The following TUBGCP3 variants were observed in gnomAD, a reference collection of about 807,000 sequenced individuals.
TUBGCP3 encodes the protein tubulin gamma complex component 3.
In TUBGCP3, 50 loss-of-function variants were observed where a neutral mutation model predicts 123.1. The ratio of observed to expected loss-of-function variants is 0.41; its 90% CI spans 0.32 to 0.51. The LOEUF (loss-of-function observed/expected upper bound fraction) is 0.51. Among genes scored for constraint, TUBGCP3 ranks in the 20% least tolerant of loss-of-function variants. The probability of loss-of-function intolerance (pLI) is 0.36; values close to 1 mark genes in which losing one functional copy is unlikely to be tolerated. For missense variants in TUBGCP3, 882 were observed against 1,127.0 expected, an observed-to-expected ratio of 0.78 and a Z score of 3.11; for synonymous variants, 405 against 413.9, an observed-to-expected ratio of 0.98 and a Z score of 0.26.
intron 8 of TUBGCP3, among the ~76,000 whole-genome samples, chr13:112,549,770 A>T (rs2139188690): frequency 6.6e-6 from 1 of 152,080 alleles, no homozygotes; most frequent in East Asian, 1.9e-4. Flanking sequence ...CGGGCGGATC[A>T]CGAGGCCAGG....
chr13:112,573,768 A>G (rs1881597116), intron 1 of TUBGCP3, among the ~76,000 whole-genome samples: 2 of 152,234 alleles, frequency 1.3e-5, no homozygotes, highest in Admixed American at 1.3e-4. Flanking sequence ...CTATGACTCT[A>G]GAAGTCAAGT....
At chr13:112,565,265 T>C in intron 2 of TUBGCP3, 87 bp from the exon 3 acceptor site, 1 of 1,145,260 alleles carries the variant, frequency 8.7e-7, no homozygotes, top group Middle Eastern at 2.4e-4. Context: ...ACACCATAAC[T>C]CGCAAGTGAT....
At chr13:112,578,558 CAAAAA>C (rs71131496) in intron 1 of TUBGCP3, among the ~76,000 whole-genome samples, 805 of 24,764 alleles carry the variant, frequency 0.033, 1 homozygote, top group African/African-American at 0.078. Flanking sequence ...GACTCCGTCT[CAAAAA>C]AAAAAAAAAA....
At chr13:112,526,631 C>G (rs1400408125) in intron 13 of TUBGCP3, among the ~76,000 whole-genome samples, 2 of 151,100 alleles carry the variant, frequency 1.3e-5, no homozygotes, top group East Asian at 3.9e-4. Context: ...CTACCACCAG[C>G]ACACCATCAT....
rs1410453871 is a variant in TUBGCP3 at position 112,508,004 on chromosome 13, T to C, written c.2087-3290A>G. On this transcript the variant is annotated intron_variant, in intron 17 of 21. Coordinates refer to ENST00000261965, the MANE Select transcript of TUBGCP3 (RefSeq NM_006322.6). The surrounding 1 kb of genome is among the most constrained non-coding windows in gnomAD (Gnocchi z 4.2). Reference sequence around the variant, plus strand: ...CAAACCCATCTACCAAACAACACTGTCATGCAATGCTCAGTGTCAGCCTAA... The same window carrying C: ...CAAACCCATCTACCAAACAACACTGCCATGCAATGCTCAGTGTCAGCCTAA... Among the ~76,000 whole-genome samples, 1 of 152,146 alleles carries C rather than the reference T, an allele frequency of 6.6e-6. No homozygotes were observed. Among genetic ancestry groups the C allele is most frequent in the Non-Finnish European group, 1.5e-5 (1 of 68,020 alleles).
At chr13:112,513,450 C>T (rs1297876282) in intron 17 of TUBGCP3, among the ~76,000 whole-genome samples, 1 of 152,220 alleles carries the variant, frequency 6.6e-6, no homozygotes, top group Non-Finnish European at 1.5e-5. Context: ...CATGTAACTA[C>T]TTTCTGCACA....
In TUBGCP3 at chr13:112,519,553, TA is replaced by T. The variant is rs1175343525; in HGVS notation, c.1881+332del. ...TGTCTTGTGCTCCTGTTGGATTTACTATGAGAAGAAAGCACCATTTTCTAAG... is the reference window on the plus strand; with the variant it reads ...TGTCTTGTGCTCCTGTTGGATTTACTTGAGAAGAAAGCACCATTTTCTAAG... On this transcript the variant is annotated intron_variant, in intron 15 of 21. Coordinates refer to ENST00000261965, the MANE Select transcript of TUBGCP3 (RefSeq NM_006322.6). This position sits in a 1 kb window ranked among gnomAD's most constrained non-coding sequence, Gnocchi z 6.2. Among the ~76,000 whole-genome samples the T allele has an allele frequency of 5.3e-5, 8 of 152,304 alleles. 1 individual carries two copies. The East Asian group carries it at 1.5e-3, about 29-fold the overall frequency.
chr13:112,589,169 T>C (rs1882816843), upstream of TUBGCP3, among the ~76,000 whole-genome samples: 1 of 152,200 alleles, frequency 6.6e-6, no homozygotes, highest in South Asian at 2.1e-4. Flanking sequence ...CTTCTAAACT[T>C]GCATCACACT....
At chr13:112,551,276 G>A (rs532316353) in intron 8 of TUBGCP3, among the ~76,000 whole-genome samples, 2 of 152,398 alleles carry the variant, frequency 1.3e-5, no homozygotes, top group South Asian at 4.1e-4. Flanking sequence ...GAAAAGGCCT[G>A]TGGTTAGCAG....
intron 20 of TUBGCP3, 130 bp downstream of exon 20, chr13:112,498,915 C>A (rs761086576): frequency 6.2e-7 from 1 of 1,613,846 alleles, no homozygotes; most frequent in Non-Finnish European, 8.5e-7. Context: ...GGACTTCAAA[C>A]GCAGTATAGG....
At chr13:112,595,076 T>C in the TUBGCP3 span, among the ~76,000 whole-genome samples, 1 of 152,256 alleles carries the variant, frequency 6.6e-6, no homozygotes, top group Non-Finnish European at 1.5e-5. Context: ...TGATTGTTCA[T>C]AAGTTGTTCT....
intron 13 of TUBGCP3, among the ~76,000 whole-genome samples, chr13:112,526,446 G>A (rs575036185): frequency 3.5e-4 from 37 of 106,380 alleles, no homozygotes; most frequent in Admixed American, 8.9e-4. Context: ...CATCATCACC[G>A]TCGCCACCCA....
At chr13:112,581,046 C>G (rs941823816) in intron 1 of TUBGCP3, among the ~76,000 whole-genome samples, 11 of 151,992 alleles carry the variant, frequency 7.2e-5, no homozygotes, top group Non-Finnish European at 1.2e-4. Flanking sequence ...CCATCACACT[C>G]ACAACAGAAC....
At chr13:112,505,217 TAGG>T (rs1367093248) in intron 17 of TUBGCP3, among the ~76,000 whole-genome samples, 1 of 152,186 alleles carries the variant, frequency 6.6e-6, no homozygotes, top group African/African-American at 2.4e-5. Flanking sequence ...TTTTATCCTT[TAGG>T]AGATCACACA....
Position 112,524,071 on chromosome 13 carries a change from A to G in TUBGCP3, c.1556-1562T>C, listed in dbSNP as rs767813843. On this transcript the variant is annotated intron_variant, in intron 13 of 21. Transcript: ENST00000261965. This position sits in a 1 kb window ranked among gnomAD's most constrained non-coding sequence, Gnocchi z 4.4. ...GCAGCAGCGCCCCGTCACCCTCAGCATCTGCAGGGGACCAATCCCACGACC... is the reference window on the plus strand; with the variant it reads ...GCAGCAGCGCCCCGTCACCCTCAGCGTCTGCAGGGGACCAATCCCACGACC... 6.6e-6 allele frequency among the ~76,000 whole-genome samples: 1 copy of G among 152,160 alleles called. No homozygotes were observed. Among genetic ancestry groups the G allele is most frequent in the South Asian group, 2.1e-4 (1 of 4,826 alleles).
chr13:112,518,939 T>C (rs769808134), intron 16 of TUBGCP3, 36 bp downstream of exon 16: 14 of 1,571,870 alleles, frequency 8.9e-6, no homozygotes, highest in Admixed American at 3.3e-5. Flanking sequence ...ATCTTAATAG[T>C]TGTAAATACT....
intron 11 of TUBGCP3, among the ~76,000 whole-genome samples, chr13:112,528,472 C>T (rs944553884): frequency 1.1e-4 from 17 of 152,082 alleles, no homozygotes; most frequent in East Asian, 1.9e-4. Flanking sequence ...AAAATGAAGC[C>T]GAGCATATTT....
In TUBGCP3 at chr13:112,588,102, C is replaced by T. The variant is rs1487551840; in HGVS notation, c.-122G>A. 5 of 836,142 alleles carry T rather than the reference C, an allele frequency of 6.0e-6. No homozygotes were observed. The highest frequency in any genetic ancestry group is 7.9e-4 in the Middle Eastern group (2 of 2,526). 51.8% of individuals were successfully genotyped at this position (836,142 alleles called of 1,614,324 possible). On this transcript the variant is annotated 5_prime_UTR_variant, in exon 1 of 22. Transcript: ENST00000261965. ...TCCCTGCTCCTGACAGGCTAAGGCG[C>T]GGGCGCCGCCGGCCACCAGGGCGCC...
chr13:112,516,158 A>G (rs1349332173), intron 17 of TUBGCP3, among the ~76,000 whole-genome samples: 1 of 152,236 alleles, frequency 6.6e-6, no homozygotes, highest in Non-Finnish European at 1.5e-5. Flanking sequence ...CATTAAAGAA[A>G]TTCTCAAAAA....
Sources: gnomAD v4.1 joint callset for allele counts (sites outside exome capture counted in the v4.1 genomes callset) on GRCh38, gnomAD v4.1.1 for gene constraint, Gnocchi (gnomAD v3.1) non-coding constraint, MANE v1.5 for transcripts, NCBI Gene and HGNC (gene_info 2026-07-23, HGNC 2026-07-21) for gene names.